The following KIAA1143 variants were observed in gnomAD, a reference collection of about 807,000 sequenced individuals.
KIAA1143 encodes uncharacterized protein KIAA1143.
Under a neutral mutation model 17.0 loss-of-function variants are expected in KIAA1143, and 8 were observed. The ratio of observed to expected loss-of-function variants is 0.47; its 90% confidence interval spans 0.28 to 0.85. The LOEUF is 0.85. Among genes scored for constraint, KIAA1143 ranks in the 40% least tolerant of loss-of-function variants. The pLI is 0.12. For synonymous variants in KIAA1143, 64 were observed against 67.8 expected (o/e 0.94, Z 0.27); for missense variants, 162 against 183.3 (o/e 0.88, Z 0.67).
rs376432417 is a variant in KIAA1143, at chr3:44,760,546, T to C, written c.108+949A>G. ...CTGGGACTACAGGCGCCCGCCACCA[T>C]GCCTGGCTAATTTTTTGTATTTTTA... On this transcript the variant is annotated intron_variant, in intron 1 of 2. Transcript: ENST00000296121. Among the ~76,000 whole-genome samples the C allele has an allele frequency of 6.6e-5, 10 of 151,990 alleles. No homozygotes were observed. In the East Asian group the frequency reaches 1.7e-3, roughly 27 times the overall value.
rs1329382882 is a variant in KIAA1143 at position 44,752,379 on chromosome 3, T to C, written c.*962A>G. ...AGAGGATATTCATTGCTTTGTGCGT[T>C]TTGTTCAATTATTTGTCCAAAATGC... On this transcript the variant is annotated 3_prime_UTR_variant, in exon 3 of 3. Transcript: ENST00000296121. The C allele has an allele frequency of 6.6e-6, 1 of 151,744 alleles. No homozygotes were observed. The allele number at this position is 151,744 out of a possible 1,614,324, so 9.4% of individuals were successfully genotyped here. A position where few individuals can be genotyped will look rare whatever the true frequency, so the allele number is the denominator to read the frequency against.
chr3:44,759,876 C>A (rs990115810), intron 1 of KIAA1143, among the ~76,000 whole-genome samples: 1 of 106,394 alleles, frequency 9.4e-6, no homozygotes, highest in Admixed American at 1.3e-4. Flanking sequence ...GCCTGGGCGA[C>A]AGAGTGAGAC....
rs1404662023 is a variant in KIAA1143, at chr3:44,752,606, G to A, written c.*735C>T. ...TCCAGGCATGTCAGCAAGGAGCCAA[G>A]CTCTGAGTCTTTTTACTAACATGAC... On this transcript the variant is annotated 3_prime_UTR_variant, in exon 3 of 3. Transcript: ENST00000296121. The A allele has an allele frequency of 8.6e-5, 13 of 151,900 alleles. No homozygotes were observed. Among genetic ancestry groups the A allele is most frequent in the Admixed American group, 6.6e-4 (10 of 15,230 alleles). 9.4% of individuals were successfully genotyped at this position (151,900 alleles called of 1,614,324 possible). A position where few individuals can be genotyped will look rare whatever the true frequency, so the allele number is the denominator to read the frequency against.
At chr3:44,761,348 C>G in intron 1 of KIAA1143, 147 bp downstream of exon 1, 1 of 628,442 alleles carries the variant, frequency 1.6e-6, no homozygotes, top group South Asian at 2.0e-5. Flanking sequence ...TGAAAAGAAC[C>G]AGCCTGGGGG....
At chr3:44,755,359 G>T (rs971984633) in intron 1 of KIAA1143, among the ~76,000 whole-genome samples, 3 of 152,024 alleles carry the variant, frequency 2.0e-5, no homozygotes, top group African/African-American at 7.3e-5. Context: ...GGGTTGAAAG[G>T]TATGCATACC....
At chr3:44,761,347 C>G (rs1575562061) in intron 1 of KIAA1143, 148 bp downstream of exon 1, 2 of 628,010 alleles carry the variant, frequency 3.2e-6, no homozygotes, top group East Asian at 2.8e-5. Context: ...TTGAAAAGAA[C>G]CAGCCTGGGG....
At chr3:44,754,530 C>A (rs1333998177) in intron 1 of KIAA1143, among the ~76,000 whole-genome samples, 162 bp from the exon 2 acceptor site, 1 of 152,214 alleles carries the variant, frequency 6.6e-6, no homozygotes, top group Non-Finnish European at 1.5e-5. Flanking sequence ...GCTTGCCACA[C>A]AAGGGAACAG....
intron 1 of KIAA1143, among the ~76,000 whole-genome samples, chr3:44,758,695 C>T (rs1344902306): frequency 6.6e-6 from 1 of 152,154 alleles, no homozygotes; most frequent in African/African-American, 2.4e-5. Flanking sequence ...GAATCAACCT[C>T]TTCCAAATTC....
At chr3:44,761,431 A>G (rs1318810628) in intron 1 of KIAA1143, 64 bp downstream of exon 1, 1 of 1,335,336 alleles carries the variant, frequency 7.5e-7, no homozygotes. Flanking sequence ...CTCCAAGTAG[A>G]GGCAAAAGTT....
rs1331055948 is a variant in KIAA1143, at chr3:44,751,780, G to A, written c.*1561C>T. ...AGAGACCACCAAGTTAGATGATCATGTGACAAGATTTCTAGCCAGTTTCAG... is the reference window on the plus strand; with the variant it reads ...AGAGACCACCAAGTTAGATGATCATATGACAAGATTTCTAGCCAGTTTCAG... On this transcript the variant is annotated 3_prime_UTR_variant, in exon 3 of 3. Coordinates refer to ENST00000296121, the MANE Select transcript of KIAA1143 (RefSeq NM_020696.4). 1 of 152,162 alleles carries A rather than the reference G, an allele frequency of 6.6e-6. No individual in the cohort carries two copies. Among genetic ancestry groups the A allele is most frequent in the Non-Finnish European group, 1.5e-5 (1 of 68,042 alleles). 9.4% of individuals were successfully genotyped at this position (152,162 alleles called of 1,614,324 possible).
intron 1 of KIAA1143, among the ~76,000 whole-genome samples, chr3:44,756,958 G>A (rs1426498888): frequency 6.6e-6 from 1 of 152,066 alleles, no homozygotes; most frequent in East Asian, 1.9e-4. Context: ...GAACATAATG[G>A]GGGAATACTG....
chr3:44,753,325 T>G lies in KIAA1143; in HGVS notation c.*16A>C. ...CCATATACTTTCAAAGTAGACTAAA[T>G]TCAAAATATTTACACTTACTCATTT... On this transcript the variant is annotated 3_prime_UTR_variant, in exon 3 of 3. Transcript: ENST00000296121. 5 of 1,569,260 alleles carry G rather than the reference T, an allele frequency of 3.2e-6. No individual in the cohort carries two copies. The highest frequency in any genetic ancestry group is 4.4e-6 in the Non-Finnish European group (5 of 1,141,360).
chr3:44,760,390 CTTTT>C (rs555037037), intron 1 of KIAA1143, among the ~76,000 whole-genome samples: 1 of 152,012 alleles, frequency 6.6e-6, no homozygotes, highest in Non-Finnish European at 1.5e-5. Flanking sequence ...GCTTACTCTT[CTTTT>C]TTTTCTTTTT....
rs1704908745 is a variant in KIAA1143 at position 44,752,832 on chromosome 3, C to T, written c.*509G>A. On this transcript the variant is annotated 3_prime_UTR_variant, in exon 3 of 3. Coordinates refer to ENST00000296121, the MANE Select transcript of KIAA1143 (RefSeq NM_020696.4). The stretch of plus-strand genomic sequence containing the variant: ...ACTTGCCAGAGCTGAGTCTCATGGC[C>T]ACCCTTAGCAGGAGTTGGGGAGGTA... The T allele has an allele frequency of 1.3e-5, 2 of 152,752 alleles. No individual in the cohort carries two copies. The highest frequency in any genetic ancestry group is 6.5e-5 in the Admixed American group (1 of 15,312). 9.5% of individuals were successfully genotyped at this position (152,752 alleles called of 1,614,324 possible).
chr3:44,760,871 C>CG (rs1454885395), intron 1 of KIAA1143, among the ~76,000 whole-genome samples: 7 of 151,810 alleles, frequency 4.6e-5, no homozygotes, highest in Admixed American at 6.6e-5. Flanking sequence ...TTAGCAGAGA[C>CG]GGGGGGTTTC....
At chr3:44,761,614 GTAAAGA>G in exon 1 of KIAA1143, 2 of 1,553,660 alleles carry the variant, frequency 1.3e-6, no homozygotes, top group Admixed American at 3.7e-5. Context: ...GTAGCTCTGG[GTAAAGA>G]CAGAAGACAG....
Position 44,749,859 on chromosome 3 carries a change from T to C in KIAA1143, c.*3482A>G, listed in dbSNP as rs1418121809. 6.6e-6 allele frequency: 1 copy of C among 152,282 alleles called. No homozygotes were observed. The highest frequency in any genetic ancestry group is 1.5e-5 in the Non-Finnish European group (1 of 68,074). The allele number at this position is 152,282 out of a possible 1,614,324, so 9.4% of individuals were successfully genotyped here. A position where few individuals can be genotyped will look rare whatever the true frequency, so the allele number is the denominator to read the frequency against. On this transcript the variant is annotated 3_prime_UTR_variant, in exon 3 of 3. Coordinates refer to ENST00000296121, the MANE Select transcript of KIAA1143 (RefSeq NM_020696.4). ...AGGCTGGAGTGCAGTGGTGCAATCA[T>C]AGCTCACTGCAGCGTTGAACTCCTG... is the stretch of plus-strand genomic sequence containing the variant.
chr3:44,759,662 A>C (rs899756143), intron 1 of KIAA1143, among the ~76,000 whole-genome samples: 1 of 151,982 alleles, frequency 6.6e-6, no homozygotes, highest in African/African-American at 2.4e-5. Flanking sequence ...GAGAGGCTAA[A>C]GTGGGAGGAT....
At chr3:44,754,491 G>T in intron 1 of KIAA1143, 123 bp from the exon 2 acceptor site, 1 of 894,640 alleles carries the variant, frequency 1.1e-6, no homozygotes, top group Admixed American at 2.5e-5. Context: ...TAAGGGCAAT[G>T]AATTTTAAGG....
Sources: gnomAD v4.1 joint callset for allele counts (sites outside exome capture counted in the v4.1 genomes callset) on GRCh38, gnomAD v4.1.1 for gene constraint, MANE v1.5 for transcripts, NCBI Gene and HGNC (gene_info 2026-07-23, HGNC 2026-07-21) for gene names.